Variants in DNAH9 observed in about 807,000 individuals in gnomAD.
The protein encoded by DNAH9 is DNAH9 variant protein.
A neutral mutation model predicts 471.6 loss-of-function variants in DNAH9; 345 were observed. The ratio of observed to expected loss-of-function variants is 0.73; its 90% CI spans 0.67 to 0.80. DNAH9 has a LOEUF of 0.80. Ranked by LOEUF, DNAH9 falls within the 30% of genes least tolerant of loss-of-function variation. The pLI is 0.00. For missense variants in DNAH9, 5,407 were observed against 5,609.2 expected, an observed-to-expected ratio of 0.96 and a Z score of 1.15; for synonymous variants, 2,093 against 2,123.6, an observed-to-expected ratio of 0.99 and a Z score of 0.40.
rs1470628866 is a variant in DNAH9 at position 11,679,885 on chromosome 17, A to G, written c.3482A>G (p.Asn1161Ser). Residue 1161 changes from asparagine (N) to serine (S), a missense_variant, in exon 18 of 69, where the codon AAC becomes AGC. Physicochemically the swap from Asn to Ser is conservative, Grantham distance 46. Transcript: ENST00000262442. ...HLMAVKERQS[N>S]TDEMFEPLKQ... The stretch of plus-strand genomic sequence containing the variant: ...ATGGCTGTTAAAGAACGGCAGAGTA[A>G]CACTGATGAGATGTTTGAGCCCTTA... The G allele has an allele frequency of 6.2e-7, 1 of 1,614,152 alleles. No individual in the cohort carries two copies. Among genetic ancestry groups the G allele is most frequent in the East Asian group, 2.2e-5 (1 of 44,880 alleles).
intron 17 of DNAH9, among the ~76,000 whole-genome samples, chr17:11,679,415 G>C (rs1246321792): frequency 6.6e-6 from 1 of 152,164 alleles, no homozygotes; most frequent in Non-Finnish European, 1.5e-5. Context: ...CAATACAAAG[G>C]TCTGCACCTA....
At position 11,619,658 on chromosome 17, in the gene DNAH9, G is replaced by T. The variant is rs1396347389; in HGVS notation, c.1227G>T (p.Gln409His). ...DTLSFFKQEF[Q>H]DRRENLHTYF... ...TGAGCTTCTTCAAGCAAGAGTTTCA[G>T]GACAGAAGGGAGAATCTCCACACTT... is the stretch of plus-strand genomic sequence containing the variant. The change falls in exon 6 of 69, where the codon CAG becomes CAT. Residue 409 changes from glutamine (Q) to histidine (H), a missense_variant. This residue lies in a region of DNAH9 where 767 missense variants were observed against 692.5 expected (regional missense o/e 1.11). Transcript: ENST00000262442. The T allele has an allele frequency of 6.2e-7, 1 of 1,613,982 alleles. No homozygotes were observed. Among genetic ancestry groups the T allele is most frequent in the Admixed American group, 1.7e-5 (1 of 60,014 alleles).
chr17:11,739,060 G>A (rs201153323), intron 29 of DNAH9, 23 bp downstream of exon 29: 195 of 1,535,712 alleles, frequency 1.3e-4, no homozygotes, highest in Non-Finnish European at 1.7e-4. Flanking sequence ...TCTGCCCCAT[G>A]CAAAAGCCCC....
At position 11,810,293 on chromosome 17, in the gene DNAH9, C is replaced by T; in HGVS notation, c.8631C>T (p.Asn2877=). 1 of 1,613,832 alleles carries T rather than the reference C, an allele frequency of 6.2e-7. No homozygotes were observed. The highest frequency in any genetic ancestry group is 8.5e-7 in the Non-Finnish European group (1 of 1,179,890). Residue 2877 remains asparagine, a synonymous_variant, in exon 45 of 69, where the codon AAC becomes AAT. Transcript: ENST00000262442. ...LCLKAGVKNL[N]TVFLMTDAQV... is the part of the protein sequence containing the mutation. ...TGAAAGCTGGAGTGAAGAATCTCAA[C>T]ACAGTGTTTCTCATGACTGATGCCC...
intron 28 of DNAH9, among the ~76,000 whole-genome samples, chr17:11,728,829 C>T (rs911724628): frequency 2.6e-5 from 4 of 152,184 alleles, no homozygotes; most frequent in Non-Finnish European, 5.9e-5. Context: ...CCACTATTCT[C>T]CCCATTATGT....
intron 50 of DNAH9, among the ~76,000 whole-genome samples, chr17:11,866,540 C>T (rs1297417129): frequency 6.6e-6 from 1 of 152,318 alleles, no homozygotes; most frequent in Non-Finnish European, 1.5e-5. Flanking sequence ...AACCACTGCT[C>T]TCTTCAAAGC....
intron 19 of DNAH9, among the ~76,000 whole-genome samples, chr17:11,686,448 T>C (rs1039819131): frequency 1.3e-5 from 2 of 152,198 alleles, no homozygotes; most frequent in Admixed American, 6.5e-5. Flanking sequence ...TTATACTGTA[T>C]CATTTCCCCA....
At chr17:11,696,806 G>A (rs1024425210) in intron 22 of DNAH9, among the ~76,000 whole-genome samples, 39 of 152,162 alleles carry the variant, frequency 2.6e-4, no homozygotes, top group Non-Finnish European at 4.4e-4. Flanking sequence ...TATTATAACT[G>A]TATTTTTATT....
Position 11,669,631 on chromosome 17 carries a change from T to G in DNAH9, c.3190T>G (p.Ser1064Ala). ...TTCTCAGTTTAAAGTGCAAATCGAC[T>G]CCTATGAAACGCTCTATGAAGAGGT... ...LLSQFKVQID[S>A]YETLYEEVCR... The change falls in exon 17 of 69, where the codon TCC becomes GCC. Residue 1064 changes from serine (S) to alanine (A), a missense_variant. Physicochemically the swap from Ser to Ala is moderately conservative, Grantham distance 99. Coordinates refer to ENST00000262442, the MANE Select transcript of DNAH9 (RefSeq NM_001372.4). 6.2e-7 allele frequency: 1 copy of G among 1,614,176 alleles called. No individual in the cohort carries two copies. Among genetic ancestry groups the G allele is most frequent in the South Asian group, 1.1e-5 (1 of 91,084 alleles).
At chr17:11,729,331 AC>A (rs1229689835) in intron 28 of DNAH9, among the ~76,000 whole-genome samples, 1 of 151,648 alleles carries the variant, frequency 6.6e-6, no homozygotes, top group Admixed American at 6.6e-5. Flanking sequence ...TGGTTTCAGA[AC>A]CCCCATCCTG....
chr17:11,848,887 A>C (rs180895844), intron 49 of DNAH9, among the ~76,000 whole-genome samples: 30 of 151,722 alleles, frequency 2.0e-4, no homozygotes, highest in Admixed American at 3.9e-4. Context: ...CCCAGGCTGG[A>C]GTGCAGTGGC....
chr17:11,955,393 A>C (rs1975587396), intron 67 of DNAH9, among the ~76,000 whole-genome samples: 1 of 152,214 alleles, frequency 6.6e-6, no homozygotes, highest in Non-Finnish European at 1.5e-5. Flanking sequence ...ATAAATAAAT[A>C]ATCTACAATT....
chr17:11,942,189 G>A, intron 66 of DNAH9, 114 bp from the exon 67 acceptor site: 1 of 1,408,158 alleles, frequency 7.1e-7, no homozygotes, highest in Non-Finnish European at 9.8e-7. Flanking sequence ...GTCAGTGGGT[G>A]GAGGGGCAGC....
Position 11,934,025 on chromosome 17 carries a change from C to T in DNAH9, c.12443C>T (p.Pro4148Leu). The change falls in exon 65 of 69, where the codon CCA becomes CTA. Residue 4148 changes from proline to leucine, a missense_variant. Transcript: ENST00000262442. ...TTAGAAGGAGAACTGTCTTTGGCCC[C>T]AGGGTTCCCACTCCCAGGCAACATG... Reference protein sequence around the residue: ...EMLEGELSLAPGFPLPGNMDY... With the variant: ...EMLEGELSLALGFPLPGNMDY... 1.9e-6 allele frequency: 3 copies of T among 1,614,152 alleles called. No homozygotes were observed. The highest frequency in any genetic ancestry group is 2.5e-6 in the Non-Finnish European group (3 of 1,180,006).
In DNAH9 at chr17:11,635,954, T is replaced by C. The variant is rs368472850; in HGVS notation, c.1636-680T>C. Among the ~76,000 whole-genome samples the C allele has an allele frequency of 3.4e-3, 524 of 152,154 alleles. 3 individuals are homozygous for C. Among genetic ancestry groups the C allele is most frequent in the African/African-American group, 0.011 (466 of 41,524 alleles). On this transcript the variant is annotated intron_variant, in intron 8 of 68. Transcript: ENST00000262442. ...CTTAGCTTCTTTTTCTTTTCCATCATTACCTTCTTTCTGTTCTAGGTTTTG... is the reference window on the plus strand; with the variant it reads ...CTTAGCTTCTTTTTCTTTTCCATCACTACCTTCTTTCTGTTCTAGGTTTTG...
intron 14 of DNAH9, among the ~76,000 whole-genome samples, chr17:11,662,436 A>G (rs1197550607): frequency 6.6e-6 from 1 of 152,220 alleles, no homozygotes; most frequent in East Asian, 1.9e-4. Context: ...ATGAGACAGA[A>G]GTTTAATTTT....
At chr17:11,902,419 C>T (rs1597806432) in intron 59 of DNAH9, among the ~76,000 whole-genome samples, 2 of 152,260 alleles carry the variant, frequency 1.3e-5, no homozygotes, top group African/African-American at 2.4e-5. Flanking sequence ...CCATAATGCC[C>T]CTTCTTGCCC....
chr17:11,766,204 T>C (rs1967928711), intron 36 of DNAH9, among the ~76,000 whole-genome samples: 1 of 151,796 alleles, frequency 6.6e-6, no homozygotes, highest in Non-Finnish European at 1.5e-5. Context: ...GGTCAAAATA[T>C]TCACATCAGG....
At chr17:11,687,300 C>T (rs908588748) in intron 19 of DNAH9, among the ~76,000 whole-genome samples, 1 of 152,202 alleles carries the variant, frequency 6.6e-6, no homozygotes, top group Non-Finnish European at 1.5e-5. Context: ...AGGATTCAAA[C>T]ATAACGAGCG....
Sources: gnomAD v4.1 joint callset for allele counts (sites outside exome capture counted in the v4.1 genomes callset) on GRCh38, gnomAD v4.1.1 for gene constraint, gnomAD v4.1.1 regional missense constraint, MANE v1.5 for transcripts, NCBI Gene and HGNC (gene_info 2026-07-23, HGNC 2026-07-21) for gene names.